Variants in SIGLEC6 observed in about 807,000 individuals in gnomAD.
The protein encoded by SIGLEC6 is sialic acid binding Ig like lectin 6.
SIGLEC6 carries 31 observed loss-of-function variants against 41.4 expected under a neutral mutation model. That is an observed-to-expected ratio of 0.75 (90% confidence interval 0.56 to 1.01). The LOEUF is 1.01. SIGLEC6 is among the 50% of genes least tolerant of loss of function. SIGLEC6 has a pLI of 0.00. For missense variants in SIGLEC6, 555 were observed against 558.6 expected (o/e 0.99, Z 0.06); for synonymous variants, 217 against 231.0 (o/e 0.94, Z 0.55).
Position 51,531,146 on chromosome 19 carries a change from A to G in SIGLEC6, c.427+14T>C. Reference sequence around the variant, plus strand: ...GACCTTCCCCTGTGGCTAGTCCTGGAGCTGGTTCCTTACCCATCACACGCA... The same window carrying G: ...GACCTTCCCCTGTGGCTAGTCCTGGGGCTGGTTCCTTACCCATCACACGCA... On this transcript the variant is annotated intron_variant, in intron 2 of 7. Coordinates refer to ENST00000425629, the MANE Select transcript of SIGLEC6 (RefSeq NM_001245.7). 2 of 1,572,068 alleles carry G rather than the reference A, an allele frequency of 1.3e-6. No individual in the cohort carries two copies. The highest frequency in any genetic ancestry group is 1.7e-6 in the Non-Finnish European group (2 of 1,158,342).
At chr19:51,522,464 G>T (rs1356790380) in intron 7 of SIGLEC6, among the ~76,000 whole-genome samples, 1 of 152,172 alleles carries the variant, frequency 6.6e-6, no homozygotes, top group Non-Finnish European at 1.5e-5. Flanking sequence ...CAGAAAAGAA[G>T]ATTAAAAACG....
chr19:51,524,875 C>G (rs937858338), intron 7 of SIGLEC6, among the ~76,000 whole-genome samples: 1 of 152,176 alleles, frequency 6.6e-6, no homozygotes, highest in African/African-American at 2.4e-5. Flanking sequence ...CCAAGGGAGG[C>G]TCCCCACGAT....
intron 7 of SIGLEC6, among the ~76,000 whole-genome samples, chr19:51,527,154 C>T (rs967293597): frequency 2.6e-5 from 4 of 152,196 alleles, no homozygotes; most frequent in Admixed American, 6.5e-5. Context: ...TCCCCAACCT[C>T]TCTAGAGAGG....
Position 51,519,982 on chromosome 19 carries a change from G to T in SIGLEC6, c.*100C>A. 2.0e-6 allele frequency: 2 copies of T among 1,021,920 alleles called. No homozygotes were observed. The highest frequency in any genetic ancestry group is 2.3e-5 in the Admixed American group (1 of 42,642). 63.3% of individuals were successfully genotyped at this position (1,021,920 alleles called of 1,614,324 possible). A position where few individuals can be genotyped will look rare whatever the true frequency, so the allele number is the denominator to read the frequency against. Reference sequence around the variant, plus strand: ...TACGAAAATAAAGTTCTGTGTTTATGTCACTCGGTTTGTGGTACATTGCTG... The same window carrying T: ...TACGAAAATAAAGTTCTGTGTTTATTTCACTCGGTTTGTGGTACATTGCTG... On this transcript the variant is annotated 3_prime_UTR_variant, in exon 8 of 8. Coordinates refer to ENST00000425629, the MANE Select transcript of SIGLEC6 (RefSeq NM_001245.7).
intron 7 of SIGLEC6, among the ~76,000 whole-genome samples, chr19:51,525,866 C>T (rs555154035): frequency 6.6e-6 from 1 of 152,318 alleles, no homozygotes; most frequent in African/African-American, 2.4e-5. Context: ...CTGGCAGCCC[C>T]TCTGCCATTG....
chr19:51,530,493 G>T lies in SIGLEC6; in HGVS notation c.707-9C>A, dbSNP rs1980081777. The T allele has an allele frequency of 6.2e-7, 1 of 1,614,110 alleles. No homozygotes were observed. Among genetic ancestry groups the T allele is most frequent in the East Asian group, 2.2e-5 (1 of 44,878 alleles). On this transcript the variant is annotated splice_polypyrimidine_tract_variant and intron_variant, in intron 3 of 7. Transcript: ENST00000425629. ...CACTTTCTGTGGAGCATCTGGGGTG[G>T]AAAGAGGTGGCCGCCTCAACATCCC...
intron 7 of SIGLEC6, among the ~76,000 whole-genome samples, chr19:51,521,181 G>T (rs1028385162): frequency 3.3e-5 from 5 of 152,162 alleles, no homozygotes; most frequent in Admixed American, 6.5e-5. Flanking sequence ...TAATGCCCCT[G>T]AAAACTTGAA....
intron 3 of SIGLEC6, 98 bp downstream of exon 3, chr19:51,530,583 C>T (rs978604862): frequency 5.6e-6 from 9 of 1,605,604 alleles, no homozygotes; most frequent in Admixed American, 1.7e-5. Context: ...AAGGGGCTCT[C>T]CTCTTTGGCA....
Position 51,531,435 on chromosome 19 carries a change from C to T in SIGLEC6, c.152G>A (p.Cys51Tyr). 6.2e-7 allele frequency: 1 copy of T among 1,614,126 alleles called. No individual in the cohort carries two copies. Among genetic ancestry groups the T allele is most frequent in the South Asian group, 1.1e-5 (1 of 91,082 alleles). Reference sequence around the variant, plus strand: ...GGCTGGAAGGGTAGTGGGCAATCTGCAGGGTACGAGGACGCACAGACCCTC... The same window carrying T: ...GGCTGGAAGGGTAGTGGGCAATCTGTAGGGTACGAGGACGCACAGACCCTC... ...VQEGLCVLVP[C>Y]RLPTTLPASY... The change falls in exon 2 of 8, where the codon TGC becomes TAC. Residue 51 changes from cysteine (C) to tyrosine (Y), a missense_variant. By Grantham distance (194) the Cys-to-Tyr change is radical (BLOSUM62 -2). Coordinates refer to ENST00000425629, the MANE Select transcript of SIGLEC6 (RefSeq NM_001245.7).
chr19:51,531,038 C>G, intron 2 of SIGLEC6, 79 bp from the exon 3 acceptor site: 1 of 1,578,456 alleles, frequency 6.3e-7, no homozygotes, highest in Non-Finnish European at 8.5e-7. Flanking sequence ...TCTGGTCCAG[C>G]TCCTTCTCTG....
chr19:51,528,282 G>A (rs770746551), intron 5 of SIGLEC6, 29 bp from the exon 6 acceptor site: 1 of 1,580,934 alleles, frequency 6.3e-7, no homozygotes, highest in Non-Finnish European at 8.7e-7. Flanking sequence ...GTGAACTCCA[G>A]TTCTAATTCC....
chr19:51,527,843 C>T lies in SIGLEC6; in HGVS notation c.1107-15G>A. ...TAGTCTTCACTCTGAGGGAACAGCCCTAAGCCTTTCAGCCTGGTTATTTGG... is the reference window on the plus strand; with the variant it reads ...TAGTCTTCACTCTGAGGGAACAGCCTTAAGCCTTTCAGCCTGGTTATTTGG... On this transcript the variant is annotated splice_polypyrimidine_tract_variant and intron_variant, in intron 6 of 7. Coordinates refer to ENST00000425629, the MANE Select transcript of SIGLEC6 (RefSeq NM_001245.7). The T allele has an allele frequency of 6.2e-7, 1 of 1,612,726 alleles. No homozygotes were observed. The highest frequency in any genetic ancestry group is 1.7e-4 in the Middle Eastern group (1 of 6,058).
At chr19:51,523,118 C>T (rs577660428) in intron 7 of SIGLEC6, among the ~76,000 whole-genome samples, 32 of 151,110 alleles carry the variant, frequency 2.1e-4, no homozygotes, top group Middle Eastern at 3.4e-3. Context: ...CCAGCCTGGG[C>T]GACAGAGTGA....
chr19:51,523,820 A>C (rs1254551837), intron 7 of SIGLEC6, among the ~76,000 whole-genome samples: 3 of 152,204 alleles, frequency 2.0e-5, no homozygotes, highest in Non-Finnish European at 2.9e-5. Flanking sequence ...GGAGATGGAG[A>C]CCATCCTGGC....
chr19:51,528,867 G>A (rs1240728994), intron 5 of SIGLEC6, among the ~76,000 whole-genome samples: 2 of 151,902 alleles, frequency 1.3e-5, no homozygotes, highest in African/African-American at 2.4e-5. Flanking sequence ...TGTAGTGCCA[G>A]CTACTCGGGA....
chr19:51,531,572 G>A lies in SIGLEC6; in HGVS notation c.67+10C>T. On this transcript the variant is annotated intron_variant, in intron 1 of 7. Coordinates refer to ENST00000425629, the MANE Select transcript of SIGLEC6 (RefSeq NM_001245.7). ...CCAGCCCCACGGCACCTCTCCCCTG[G>A]CCCACTCACCTGCCCACAGCAGGGG... is the stretch of plus-strand genomic sequence containing the variant. 1 of 1,613,918 alleles carries A rather than the reference G, an allele frequency of 6.2e-7. No homozygotes were observed. Among genetic ancestry groups the A allele is most frequent in the East Asian group, 2.2e-5 (1 of 44,878 alleles).
rs1389555414 is a variant in SIGLEC6, at chr19:51,528,432, A to G, written c.1013-179T>C. On this transcript the variant is annotated intron_variant, in intron 5 of 7. Coordinates refer to ENST00000425629, the MANE Select transcript of SIGLEC6 (RefSeq NM_001245.7). ...CTCTCCATGACTCCCCCTTCCCCCA[A>G]CTGCAAGACTGAGGACGTTGTGCCC... 5 of 599,818 alleles carry G rather than the reference A, an allele frequency of 8.3e-6. No homozygotes were observed. The East Asian group carries it at 8.5e-5, about 10-fold the overall frequency. The allele number at this position is 599,818 out of a possible 1,614,324, so 37.2% of individuals were successfully genotyped here.
chr19:51,526,172 T>C (rs1056423706), intron 7 of SIGLEC6, among the ~76,000 whole-genome samples: 10 of 152,178 alleles, frequency 6.6e-5, no homozygotes, highest in Non-Finnish European at 1.5e-4. Flanking sequence ...CCAAGGTCCC[T>C]GCCCCTGCTG....
rs183822218 is a variant in SIGLEC6, at chr19:51,529,778, G to A, written c.958C>T (p.Arg320Cys). The A allele has an allele frequency of 3.7e-5, 59 of 1,614,134 alleles. No homozygotes were observed. Among genetic ancestry groups the A allele is most frequent in the Admixed American group, 2.2e-4 (13 of 60,034 alleles). ...GSAEEGDFTC[R>C]AQHPLGSLQI... ...AGGGAGCCCAGAGGATGCTGAGCAC[G>A]GCAGGTGAAATCTCCTTCTTCTGCA... is the stretch of plus-strand genomic sequence containing the variant. Residue 320 changes from arginine (R) to cysteine (C), a missense_variant, in exon 5 of 8, where the codon CGT (arginine) becomes TGT (cysteine). Physicochemically the swap from Arg to Cys is radical, Grantham distance 180. Coordinates refer to ENST00000425629, the MANE Select transcript of SIGLEC6 (RefSeq NM_001245.7).
Sources: allele counts gnomAD v4.1 joint callset (sites outside exome capture counted in the v4.1 genomes callset), GRCh38; gene constraint gnomAD v4.1.1; transcripts MANE v1.5; gene names NCBI Gene and HGNC (gene_info 2026-07-23, HGNC 2026-07-21).